Variants in PPP2R2C observed in about 807,000 individuals in gnomAD.
PPP2R2C encodes the protein protein phosphatase 2 regulatory subunit Bgamma.
PPP2R2C carries 10 observed loss-of-function variants against 45.3 expected under a neutral mutation model. That is an observed-to-expected ratio of 0.22 (90% confidence interval 0.14 to 0.37). The LOEUF (loss-of-function observed/expected upper bound fraction) is 0.37. PPP2R2C is among the 10% of genes least tolerant of loss of function. PPP2R2C has a pLI of 1.00. For synonymous variants in PPP2R2C, 257 were observed against 245.4 expected, an observed-to-expected ratio of 1.05 and a Z score of -0.44; for missense variants, 308 against 619.7, an observed-to-expected ratio of 0.50 and a Z score of 5.34.
intron 1 of PPP2R2C, among the ~76,000 whole-genome samples, chr4:6,407,054 C>T (rs1475437530): frequency 2.6e-5 from 4 of 152,164 alleles, no homozygotes; most frequent in African/African-American, 9.7e-5. Flanking sequence ...TGCTGGCAGC[C>T]TCTAGAGAAG....
chr4:6,533,289 T>A (rs1724467295), intron 2 of PPP2R2C, among the ~76,000 whole-genome samples: 1 of 152,170 alleles, frequency 6.6e-6, no homozygotes, highest in Non-Finnish European at 1.5e-5. Context: ...CTTAGGCCCA[T>A]GAGCATAATC....
intron 6 of PPP2R2C, among the ~76,000 whole-genome samples, chr4:6,337,933 C>T (rs1014412902): frequency 5.9e-5 from 9 of 151,948 alleles, no homozygotes; most frequent in Non-Finnish European, 1.2e-4. Context: ...TCTTTTTAGA[C>T]GTTTCTATGA....
At chr4:6,395,534 G>A (rs1716961865) in intron 1 of PPP2R2C, among the ~76,000 whole-genome samples, 1 of 152,220 alleles carries the variant, frequency 6.6e-6, no homozygotes, top group African/African-American at 2.4e-5. Flanking sequence ...GTCTGCTAGA[G>A]GGTGACAGTC....
intron 2 of PPP2R2C, among the ~76,000 whole-genome samples, chr4:6,507,475 C>G (rs545797320): frequency 1.3e-5 from 2 of 152,334 alleles, no homozygotes; most frequent in East Asian, 3.9e-4. Flanking sequence ...CCTGGGCTAC[C>G]CTGTAAAGAA....
intron 1 of PPP2R2C, among the ~76,000 whole-genome samples, chr4:6,554,470 A>G (rs1476238077): frequency 1.3e-5 from 2 of 152,202 alleles, no homozygotes; most frequent in Non-Finnish European, 2.9e-5. Flanking sequence ...CCTTTCTTCA[A>G]GCCACTCTGT....
Position 6,376,022 on chromosome 4 carries a change from C to T in PPP2R2C, c.335-91G>A, listed in dbSNP as rs1357778468. On this transcript the variant is annotated intron_variant, in intron 3 of 8. Coordinates refer to ENST00000382599, the MANE Select transcript of PPP2R2C (RefSeq NM_020416.4). ...CTTTAGAAGGTGAAATCATGAGGCA[C>T]CTCCTGGGGAAGGAGGGGGTTCTGC... is the stretch of plus-strand genomic sequence containing the variant. The T allele has an allele frequency of 1.2e-5, 13 of 1,093,102 alleles. No individual in the cohort carries two copies. In the East Asian group the frequency reaches 3.0e-4, roughly 25 times the overall value. The allele number at this position is 1,093,102 out of a possible 1,614,324, so 67.7% of individuals were successfully genotyped here.
chr4:6,385,837 G>T (rs1216328870), intron 1 of PPP2R2C, among the ~76,000 whole-genome samples: 1 of 152,136 alleles, frequency 6.6e-6, no homozygotes, highest in Non-Finnish European at 1.5e-5. Flanking sequence ...AAAGTGCTGG[G>T]ATTACAGGTG....
intron 2 of PPP2R2C, among the ~76,000 whole-genome samples, chr4:6,506,860 C>T (rs1049806307): frequency 4.6e-5 from 7 of 152,276 alleles, no homozygotes; most frequent in African/African-American, 1.7e-4. Flanking sequence ...GCTGGGAGTT[C>T]ACTTGGGGCT....
In PPP2R2C at chr4:6,451,050, C is replaced by A. The variant is rs563615154; in HGVS notation, c.70+21110G>T. ...AATAAATTCACTTCTTCCAGGAAGC[C>A]CTCCTGGACGTGCCACCACCCAAGC... On this transcript the variant is annotated intron_variant, in intron 1 of 8. Coordinates refer to ENST00000382599, the MANE Select transcript of PPP2R2C (RefSeq NM_020416.4). Among the ~76,000 whole-genome samples, 8 of 152,326 alleles carry A rather than the reference C, an allele frequency of 5.3e-5. No homozygotes were observed. In the East Asian group the frequency reaches 1.5e-3, roughly 29 times the overall value.
intron 1 of PPP2R2C, among the ~76,000 whole-genome samples, chr4:6,428,994 T>C (rs1287167675): frequency 1.3e-5 from 2 of 152,278 alleles, no homozygotes; most frequent in Non-Finnish European, 2.9e-5. Context: ...AAGGGCCAGA[T>C]AGCCAATATT....
At chr4:6,381,728 G>T (rs1487191530) in intron 1 of PPP2R2C, 1 of 1,580,380 alleles carries the variant, frequency 6.3e-7, no homozygotes, top group East Asian at 2.3e-5. Context: ...TCCCAACCAT[G>T]TTTCTTCAGG....
intron 1 of PPP2R2C, among the ~76,000 whole-genome samples, chr4:6,392,631 G>A (rs1465158989): frequency 2.0e-5 from 3 of 152,206 alleles, no homozygotes; most frequent in Admixed American, 6.5e-5. Flanking sequence ...GCGTGTGAGA[G>A]GGATGGGGCA....
At chr4:6,402,831 C>T (rs182170813) in intron 1 of PPP2R2C, among the ~76,000 whole-genome samples, 6 of 152,180 alleles carry the variant, frequency 3.9e-5, no homozygotes, top group Non-Finnish European at 7.3e-5. Context: ...GGCATGCATG[C>T]GCCCAGCTGG....
At chr4:6,348,640 T>G (rs981918365) in intron 5 of PPP2R2C, 1 of 985,270 alleles carries the variant, frequency 1.0e-6, no homozygotes, top group African/African-American at 1.7e-5. Context: ...ACCCCAGGAC[T>G]TGGAATACTG....
At chr4:6,488,747 G>GCC (rs1428975488) in intron 2 of PPP2R2C, among the ~76,000 whole-genome samples, 1 of 152,068 alleles carries the variant, frequency 6.6e-6, no homozygotes, top group Admixed American at 6.5e-5. Flanking sequence ...TGCTAAGGAT[G>GCC]CTTGCAGAAA....
chr4:6,498,177 C>G (rs908947772), intron 2 of PPP2R2C, among the ~76,000 whole-genome samples: 1 of 152,188 alleles, frequency 6.6e-6, no homozygotes, highest in African/African-American at 2.4e-5. Context: ...CTACACACAT[C>G]GACAAGGAAT....
chr4:6,357,995 T>G (rs1031138017), intron 5 of PPP2R2C, among the ~76,000 whole-genome samples: 2 of 152,136 alleles, frequency 1.3e-5, no homozygotes, highest in African/African-American at 4.8e-5. Flanking sequence ...ACTTTAAAAT[T>G]CATATGGAAC....
At chr4:6,360,087 T>C (rs10213410) in intron 5 of PPP2R2C, among the ~76,000 whole-genome samples, 45,221 of 152,114 alleles carry the variant, frequency 0.3, 6,827 homozygotes, top group East Asian at 0.31. Flanking sequence ...CAGAGAGCCA[T>C]GCCTAGCACA....
rs1721888454 is a variant in PPP2R2C at position 6,471,626 on chromosome 4, C to T, written c.70+534G>A. On this transcript the variant is annotated intron_variant, in intron 1 of 8. Coordinates refer to ENST00000382599, the MANE Select transcript of PPP2R2C (RefSeq NM_020416.4). The surrounding 1 kb of genome is among the most constrained non-coding windows in gnomAD (Gnocchi z 5.6). ...TCCCTCCCACTCAGGGACCCTGCCT[C>T]TGGAGGACAGGGAGGGGCCCGGGCA... is the stretch of plus-strand genomic sequence containing the variant. 1 of 153,134 alleles carries T rather than the reference C, an allele frequency of 6.5e-6. No individual in the cohort carries two copies. The highest frequency in any genetic ancestry group is 1.5e-5 in the Non-Finnish European group (1 of 68,672). 9.5% of individuals were successfully genotyped at this position (153,134 alleles called of 1,614,324 possible). A position where few individuals can be genotyped will look rare whatever the true frequency, so the allele number is the denominator to read the frequency against.
Sources: gnomAD v4.1 joint callset for allele counts (sites outside exome capture counted in the v4.1 genomes callset) on GRCh38, gnomAD v4.1.1 for gene constraint, Gnocchi (gnomAD v3.1) non-coding constraint, MANE v1.5 for transcripts, NCBI Gene and HGNC (gene_info 2026-07-23, HGNC 2026-07-21) for gene names.